NELL1: variants seen among roughly 807,000 people sequenced by gnomAD.
NELL1 encodes neural EGFL like 1, also known as protein kinase C-binding protein NELL1.
NELL1 carries 76 observed loss-of-function variants against 107.4 expected under a neutral mutation model. That is an observed-to-expected ratio of 0.71 (90% CI 0.59 to 0.86). NELL1 has a LOEUF of 0.86. Among genes scored for constraint, NELL1 ranks in the 40% least tolerant of loss-of-function variants. The probability of loss-of-function intolerance (pLI) is 0.00; values close to 1 mark genes in which losing one functional copy is unlikely to be tolerated. For missense variants in NELL1, 1,024 were observed against 1,005.5 expected, an observed-to-expected ratio of 1.02 and a Z score of -0.25; for synonymous variants, 353 against 341.2, an observed-to-expected ratio of 1.03 and a Z score of -0.38.
At chr11:21,550,257 T>G (rs1232338740) in intron 16 of NELL1, among the ~76,000 whole-genome samples, 1 of 151,864 alleles carries the variant, frequency 6.6e-6, no homozygotes, top group Non-Finnish European at 1.5e-5. Context: ...GTCAGATGAG[T>G]AGGTTGCAAA....
intron 4 of NELL1, among the ~76,000 whole-genome samples, chr11:20,881,154 A>G (rs770491213): frequency 2.6e-5 from 4 of 152,134 alleles, no homozygotes; most frequent in Non-Finnish European, 4.4e-5. Context: ...CTAGTTAGGA[A>G]TTTTACTTTA....
chr11:21,092,406 A>C lies in NELL1; in HGVS notation c.1301-21183A>C, dbSNP rs1854541990. On this transcript the variant is annotated intron_variant, in intron 12 of 19. Coordinates refer to ENST00000357134, the MANE Select transcript of NELL1 (RefSeq NM_006157.5). The stretch of plus-strand genomic sequence containing the variant: ...TGCCTTAGTTTTTCCCATCTGTAAA[A>C]TGGAATGAATAAAGATACTATTACA... 2.6e-5 allele frequency among the ~76,000 whole-genome samples: 4 copies of C among 152,220 alleles called. No homozygotes were observed. The South Asian group carries it at 8.3e-4, about 31-fold the overall frequency.
chr11:21,173,767 G>A (rs1029354391), intron 13 of NELL1, among the ~76,000 whole-genome samples: 2 of 151,594 alleles, frequency 1.3e-5, no homozygotes, highest in African/African-American at 4.9e-5. Flanking sequence ...GTGTGTGTCT[G>A]TGTGTCTGTG....
At chr11:21,367,147 G>A (rs907615333) in intron 14 of NELL1, among the ~76,000 whole-genome samples, 3 of 151,956 alleles carry the variant, frequency 2.0e-5, no homozygotes, top group Non-Finnish European at 4.4e-5. Context: ...AATGAAAAGA[G>A]TTCTTTCAAT....
At chr11:20,833,245 G>A (rs774505394) in intron 3 of NELL1, among the ~76,000 whole-genome samples, 5 of 152,112 alleles carry the variant, frequency 3.3e-5, no homozygotes, top group Admixed American at 2.0e-4. Context: ...TGTATATAAA[G>A]TAATAACTAA....
chr11:20,784,207 A>C (rs1399633474), intron 3 of NELL1, among the ~76,000 whole-genome samples: 2 of 152,260 alleles, frequency 1.3e-5, no homozygotes, highest in African/African-American at 2.4e-5. Context: ...ATAGTGTATG[A>C]TCTTCATCGC....
chr11:20,870,044 A>G (rs1412998258), intron 4 of NELL1, among the ~76,000 whole-genome samples: 1 of 152,228 alleles, frequency 6.6e-6, no homozygotes, highest in Non-Finnish European at 1.5e-5. Flanking sequence ...ACTCAGTATC[A>G]CTTCACTTAT....
At chr11:20,759,625 G>T (rs932266214) in intron 2 of NELL1, among the ~76,000 whole-genome samples, 4 of 152,194 alleles carry the variant, frequency 2.6e-5, no homozygotes, top group African/African-American at 4.8e-5. Context: ...TGGGCAGGTT[G>T]TTCTCTCTTC....
intron 3 of NELL1, among the ~76,000 whole-genome samples, chr11:20,832,406 G>T (rs1429334398): frequency 2.0e-5 from 3 of 152,160 alleles, no homozygotes; most frequent in Non-Finnish European, 4.4e-5. Context: ...TGATTATTTT[G>T]TTAACATCTG....
intron 15 of NELL1, among the ~76,000 whole-genome samples, chr11:21,456,324 T>G (rs554136084): frequency 6.6e-6 from 1 of 152,092 alleles, no homozygotes; most frequent in South Asian, 2.1e-4. Flanking sequence ...GTCTGCACTT[T>G]CACTGATCTG....
chr11:21,328,621 C>T (rs1318629844), intron 14 of NELL1, among the ~76,000 whole-genome samples: 3 of 152,092 alleles, frequency 2.0e-5, no homozygotes, highest in Non-Finnish European at 2.9e-5. Context: ...CAACAGCTTG[C>T]ACCATACCCC....
At chr11:21,221,473 A>G (rs1366907576) in intron 13 of NELL1, among the ~76,000 whole-genome samples, 1 of 152,168 alleles carries the variant, frequency 6.6e-6, no homozygotes, top group Non-Finnish European at 1.5e-5. Context: ...TATTTTCTAA[A>G]AGTTTGATAG....
Position 21,255,970 on chromosome 11 carries a change from C to T in NELL1, c.1549+26516C>T, listed in dbSNP as rs1465357451. 5.3e-5 allele frequency among the ~76,000 whole-genome samples: 8 copies of T among 152,124 alleles called. No individual in the cohort carries two copies. In the East Asian group the frequency reaches 1.6e-3, roughly 30 times the overall value. ...TCAAACATGTTTCTTCCTTTCTCCT[C>T]CCATTGCAGACAATTCTTACCTTCA... On this transcript the variant is annotated intron_variant, in intron 14 of 19. Coordinates refer to ENST00000357134, the MANE Select transcript of NELL1 (RefSeq NM_006157.5).
chr11:21,303,106 A>G (rs1193294029), intron 14 of NELL1, among the ~76,000 whole-genome samples: 1 of 128,784 alleles, frequency 7.8e-6, no homozygotes, highest in Non-Finnish European at 1.8e-5. Context: ...CTATATCTAT[A>G]TCTATATCTA....
intron 3 of NELL1, among the ~76,000 whole-genome samples, chr11:20,841,309 C>G (rs11025781): frequency 6.6e-6 from 1 of 151,328 alleles, no homozygotes; most frequent in Non-Finnish European, 1.5e-5. Context: ...TACACAGCAC[C>G]TCTGCTCATG....
At chr11:21,335,032 T>C (rs904770916) in intron 14 of NELL1, among the ~76,000 whole-genome samples, 1 of 151,948 alleles carries the variant, frequency 6.6e-6, no homozygotes, top group African/African-American at 2.4e-5. Context: ...TCTGAACACA[T>C]TAAGCCATTT....
rs34607165 is a variant in NELL1 at position 21,455,320 on chromosome 11, CTT to C, written c.1646-79038_1646-79037del. ...TATTTCCTTTTTTTTTTCTTTTATTCTTTTTTTTTTTTTTTTTAATGAGAGAG... is the reference window on the plus strand; with the variant it reads ...TATTTCCTTTTTTTTTTCTTTTATTCTTTTTTTTTTTTTTTAATGAGAGAG... On this transcript the variant is annotated intron_variant, in intron 15 of 19. Transcript: ENST00000357134. Among the ~76,000 whole-genome samples, 656 of 77,184 alleles carry C rather than the reference CTT, an allele frequency of 8.5e-3. 9 individuals are homozygous for C. Among genetic ancestry groups the C allele is most frequent in the African/African-American group, 0.025 (456 of 18,210 alleles). The allele number at this position is 77,184 out of a possible 152,430, so 50.6% of individuals were successfully genotyped here.
At chr11:21,344,676 C>T (rs1850648222) in intron 14 of NELL1, among the ~76,000 whole-genome samples, 2 of 151,940 alleles carry the variant, frequency 1.3e-5, no homozygotes, top group Non-Finnish European at 1.5e-5. Context: ...CTTCAAATTC[C>T]AGCTGTTCTA....
chr11:21,092,066 C>T (rs1055090532), intron 12 of NELL1, among the ~76,000 whole-genome samples: 8 of 152,040 alleles, frequency 5.3e-5, no homozygotes, highest in Admixed American at 1.3e-4. Context: ...GAAATGGCAC[C>T]GAGTATTCCA....
Sources: gnomAD v4.1 joint callset for allele counts (sites outside exome capture counted in the v4.1 genomes callset) on GRCh38, gnomAD v4.1.1 for gene constraint, MANE v1.5 for transcripts, NCBI Gene and HGNC (gene_info 2026-07-23, HGNC 2026-07-21) for gene names.